Variants in CASP5 observed in about 807,000 individuals in gnomAD.
CASP5 encodes caspase 5, also known as caspase-5.
In CASP5, 42 loss-of-function variants were observed where a neutral mutation model predicts 45.2. The ratio of observed to expected loss-of-function variants is 0.93; its 90% CI spans 0.73 to 1.20. The LOEUF (loss-of-function observed/expected upper bound fraction) is 1.20. Among genes scored for constraint, CASP5 ranks in the 50% most tolerant of loss-of-function variants. CASP5 has a pLI of 0.00. For missense variants in CASP5, 512 were observed against 532.2 expected (o/e 0.96, Z 0.37); for synonymous variants, 209 against 186.2 (o/e 1.12, Z -1.00).
At chr11:104,998,234 GT>G (rs1194004511) in intron 7 of CASP5, among the ~76,000 whole-genome samples, 1 of 151,956 alleles carries the variant, frequency 6.6e-6, no homozygotes, top group African/African-American at 2.4e-5. Flanking sequence ...AATATGTACA[GT>G]TTTCATATGT....
rs971833618 is a variant in CASP5 at position 104,996,570 on chromosome 11, C to T, written c.1207-728G>A. Among the ~76,000 whole-genome samples, 7 of 152,116 alleles carry T rather than the reference C, an allele frequency of 4.6e-5. No homozygotes were observed. In the East Asian group the frequency reaches 7.7e-4, roughly 17 times the overall value. ...CACACTTTCCTGTGTTAATACCAAT[C>T]CTATTTTCCCTTAAAAAGAGAAGGA... On this transcript the variant is annotated intron_variant, in intron 8 of 9. Transcript: ENST00000260315.
intron 1 of CASP5, among the ~76,000 whole-genome samples, chr11:105,014,327 C>G (rs79771914): frequency 0.026 from 3,945 of 151,560 alleles, 166 homozygotes; most frequent in African/African-American, 0.088. Flanking sequence ...CTCTGATTCT[C>G]TGAGGGGAGA....
intron 1 of CASP5, among the ~76,000 whole-genome samples, chr11:105,014,112 C>T (rs887733929): frequency 6.6e-6 from 1 of 152,094 alleles, no homozygotes; most frequent in Non-Finnish European, 1.5e-5. Flanking sequence ...GACCATGAAA[C>T]GTCTCAGCTT....
intron 5 of CASP5, 148 bp from the exon 6 acceptor site, chr11:105,000,643 A>G (rs1356776274): frequency 4.2e-6 from 3 of 720,232 alleles, no homozygotes; most frequent in Non-Finnish European, 4.5e-6. Context: ...CAGCAGTTTT[A>G]TGTTTTTTTG....
intron 5 of CASP5, among the ~76,000 whole-genome samples, chr11:105,000,815 GT>G (rs1442823017): frequency 6.6e-6 from 1 of 151,886 alleles, no homozygotes; most frequent in Non-Finnish European, 1.5e-5. Context: ...CAAGAGTCAT[GT>G]GTTATAAACG....
intron 3 of CASP5, among the ~76,000 whole-genome samples, chr11:105,006,704 G>A (rs984867433): frequency 6.6e-6 from 1 of 152,166 alleles, no homozygotes; most frequent in African/African-American, 2.4e-5. Context: ...TTGTGAGAAA[G>A]TGCTGGAATT....
At chr11:105,000,119 C>T in intron 6 of CASP5, 142 bp downstream of exon 6, 1 of 843,642 alleles carries the variant, frequency 1.2e-6, no homozygotes. Flanking sequence ...ATATCAGCCC[C>T]TTAGGTAGAG....
At chr11:105,000,046 C>T (rs915422733) in intron 6 of CASP5, among the ~76,000 whole-genome samples, 1 of 152,212 alleles carries the variant, frequency 6.6e-6, no homozygotes, top group African/African-American at 2.4e-5. Flanking sequence ...CCACTTCCTT[C>T]ACCACTATCA....
intron 3 of CASP5, among the ~76,000 whole-genome samples, chr11:105,004,055 C>A (rs1861884308): frequency 6.6e-6 from 1 of 151,954 alleles, no homozygotes; most frequent in South Asian, 2.1e-4. Flanking sequence ...GAATCCTGTA[C>A]CATCCTGGTA....
At chr11:105,003,216 A>G in intron 4 of CASP5, 58 bp downstream of exon 4, 6 of 1,072,838 alleles carry the variant, frequency 5.6e-6, no homozygotes, top group Non-Finnish European at 8.6e-6. Context: ...TGTGCATTGC[A>G]TTTAATGAAA....
intron 1 of CASP5, among the ~76,000 whole-genome samples, chr11:105,010,048 A>G (rs189299702): frequency 4.6e-5 from 7 of 150,636 alleles, no homozygotes; most frequent in South Asian, 2.1e-4. Flanking sequence ...TGTTAACTCT[A>G]TAAAGATCAT....
intron 1 of CASP5, among the ~76,000 whole-genome samples, chr11:105,016,295 A>AG (rs1449368782): frequency 6.6e-6 from 1 of 152,104 alleles, no homozygotes; most frequent in African/African-American, 2.4e-5. Context: ...ATATGACTGC[A>AG]GGGGGAGGCG....
intron 1 of CASP5, among the ~76,000 whole-genome samples, chr11:105,019,228 A>C (rs1262209903): frequency 2.4e-4 from 36 of 151,302 alleles, no homozygotes; most frequent in Middle Eastern, 3.4e-3. Context: ...TGACACCCTA[A>C]CATCACAATT....
Position 105,003,149 on chromosome 11 carries a change from AT to A in CASP5, c.543+124del, listed in dbSNP as rs145047865. 2,016 of 678,810 alleles carry A rather than the reference AT, an allele frequency of 3.0e-3. 31 individuals carry two copies. The African/African-American group carries it at 0.033, about 11-fold the overall frequency. The allele number at this position is 678,810 out of a possible 1,614,324, so 42.0% of individuals were successfully genotyped here. On this transcript the variant is annotated intron_variant, in intron 4 of 9. Coordinates refer to ENST00000260315, the MANE Select transcript of CASP5 (RefSeq NM_004347.5). ...CATGTGTTCAAGATAGCAGTCAGCT[AT>A]GATCACACCACAGCACTCCAGGCTG...
chr11:105,001,277 C>T (rs1206694632), intron 5 of CASP5, among the ~76,000 whole-genome samples: 1 of 152,218 alleles, frequency 6.6e-6, no homozygotes, highest in African/African-American at 2.4e-5. Flanking sequence ...AACCTAGATC[C>T]TTGCAATTTG....
In CASP5 at chr11:104,995,844, TA is replaced by T. The variant is rs1453788374; in HGVS notation, c.1207-3del. 2 of 1,600,074 alleles carry T rather than the reference TA, an allele frequency of 1.2e-6. No homozygotes were observed. The highest frequency in any genetic ancestry group is 1.7e-6 in the Non-Finnish European group (2 of 1,168,300). ...TGGAACTTCAAATGATTTCTGTACC[TA>T]AAAGAAAAAACAGTAGATGAGATAT... On this transcript the variant is annotated splice_polypyrimidine_tract_variant and splice_region_variant and intron_variant, in intron 8 of 9. Transcript: ENST00000260315.
At chr11:105,021,788 G>C (rs1464637883) in intron 1 of CASP5, among the ~76,000 whole-genome samples, 1 of 150,542 alleles carries the variant, frequency 6.6e-6, no homozygotes, top group Non-Finnish European at 1.5e-5. Flanking sequence ...AATACCATTT[G>C]ACCCAGCCAT....
intron 1 of CASP5, among the ~76,000 whole-genome samples, chr11:105,009,719 ACATATATAT>A (rs2134727336): frequency 2.6e-5 from 1 of 37,806 alleles, no homozygotes; most frequent in Admixed American, 2.6e-4. Flanking sequence ...ATATATACAC[ACATATATAT>A]ATATATATAT....
Position 105,002,348 on chromosome 11 carries a change from A to G in CASP5, c.544-147T>C, listed in dbSNP as rs969529067. The G allele has an allele frequency of 2.5e-5, 16 of 639,486 alleles. No individual in the cohort carries two copies. The Admixed American group carries it at 4.5e-4, about 18-fold the overall frequency. The allele number at this position is 639,486 out of a possible 1,614,324, so 39.6% of individuals were successfully genotyped here. A position where few individuals can be genotyped will look rare whatever the true frequency, so the allele number is the denominator to read the frequency against. On this transcript the variant is annotated intron_variant, in intron 4 of 9. Transcript: ENST00000260315. ...AGACACTGCCTTCCTCTCTCTCAAG[A>G]GCCCAGAGCAAGAACCAGGACATAT...
Sources: gnomAD v4.1 joint callset for allele counts (sites outside exome capture counted in the v4.1 genomes callset) on GRCh38, gnomAD v4.1.1 for gene constraint, MANE v1.5 for transcripts, NCBI Gene and HGNC (gene_info 2026-07-23, HGNC 2026-07-21) for gene names.